The following RBM19 variants were observed in gnomAD, a reference collection of about 807,000 sequenced individuals.
RBM19 encodes the protein RNA binding motif protein 19.
RBM19 carries 94 observed loss-of-function variants against 116.8 expected under a neutral mutation model. The ratio of observed to expected loss-of-function variants is 0.80; its 90% CI spans 0.68 to 0.95. RBM19 has a LOEUF of 0.95. Among genes scored for constraint, RBM19 ranks in the 40% least tolerant of loss-of-function variants. The pLI is 0.00. For missense variants in RBM19, 1,161 were observed against 1,220.7 expected, an observed-to-expected ratio of 0.95 and a Z score of 0.73; for synonymous variants, 475 against 494.1, an observed-to-expected ratio of 0.96 and a Z score of 0.51.
intron 23 of RBM19, among the ~76,000 whole-genome samples, 158 bp downstream of exon 23, chr12:113,844,510 G>A (rs1250950531): frequency 2.7e-5 from 4 of 150,666 alleles, no homozygotes; most frequent in Admixed American, 6.6e-5. Flanking sequence ...TGGACAGCAG[G>A]TCTGGAGGGG....
intron 21 of RBM19, among the ~76,000 whole-genome samples, chr12:113,910,702 G>C (rs930751903): frequency 3.9e-5 from 6 of 152,212 alleles, no homozygotes; most frequent in Non-Finnish European, 8.8e-5. Flanking sequence ...CTGTGTGGAC[G>C]AACTGATACA....
intron 23 of RBM19, among the ~76,000 whole-genome samples, chr12:113,823,792 T>C (rs1393849694): frequency 2.6e-5 from 4 of 152,072 alleles, no homozygotes; most frequent in Non-Finnish European, 5.9e-5. Context: ...CTGAAACCCT[T>C]CAGAGAGGCT....
intron 21 of RBM19, among the ~76,000 whole-genome samples, chr12:113,863,105 C>T (rs1035636012): frequency 4.0e-5 from 6 of 151,832 alleles, no homozygotes; most frequent in Admixed American, 6.6e-5. Context: ...GATGGGGCTC[C>T]GAGGTGTTGC....
chr12:113,838,958 G>C (rs1239999181), intron 23 of RBM19, among the ~76,000 whole-genome samples: 2 of 152,226 alleles, frequency 1.3e-5, no homozygotes, highest in Non-Finnish European at 1.5e-5. Context: ...CACAGGCTAC[G>C]GTGTCACCGG....
At chr12:113,948,705 C>G (rs1294066739) in intron 10 of RBM19, 128 bp downstream of exon 10, 1 of 922,664 alleles carries the variant, frequency 1.1e-6, no homozygotes, top group African/African-American at 1.7e-5. Flanking sequence ...TCCCATTTTA[C>G]AGATGAGAAA....
intron 2 of RBM19, 120 bp downstream of exon 2, chr12:113,962,112 G>A (rs756700212): frequency 1.8e-4 from 217 of 1,239,248 alleles, no homozygotes; most frequent in Middle Eastern, 7.8e-4. Flanking sequence ...AATCGGTGAG[G>A]AAGAAAACCA....
intron 22 of RBM19, among the ~76,000 whole-genome samples, chr12:113,852,466 T>C (rs887173497): frequency 1.3e-5 from 2 of 152,138 alleles, no homozygotes; most frequent in Non-Finnish European, 2.9e-5. Flanking sequence ...TACAAAACAG[T>C]CATGAGCGCA....
chr12:113,856,459 C>T (rs1877911052), intron 22 of RBM19, among the ~76,000 whole-genome samples: 1 of 152,224 alleles, frequency 6.6e-6, no homozygotes, highest in African/African-American at 2.4e-5. Context: ...TGGTTGGACC[C>T]TCCATGTCCC....
intron 21 of RBM19, among the ~76,000 whole-genome samples, chr12:113,859,228 C>G (rs1878169135): frequency 6.6e-6 from 1 of 152,186 alleles, no homozygotes; most frequent in African/African-American, 2.4e-5. Flanking sequence ...CTGCCTAGTA[C>G]ACAAGCAGCC....
intron 20 of RBM19, 134 bp from the exon 21 acceptor site, chr12:113,915,219 G>A (rs1231470784): frequency 3.3e-5 from 25 of 750,620 alleles, no homozygotes; most frequent in Non-Finnish European, 4.9e-5. Context: ...CGGGACCAAC[G>A]TGAAAGGAGA....
intron 23 of RBM19, among the ~76,000 whole-genome samples, chr12:113,832,967 G>A (rs1208813099): frequency 2.0e-5 from 3 of 152,136 alleles, no homozygotes. Flanking sequence ...TGGAAGTGGG[G>A]AGGGGGGGTT....
At chr12:113,863,481 C>T (rs1247898888) in intron 21 of RBM19, among the ~76,000 whole-genome samples, 2 of 152,158 alleles carry the variant, frequency 1.3e-5, no homozygotes, top group Admixed American at 1.3e-4. Flanking sequence ...TGTGCTGGTA[C>T]CTGGAGCCTG....
At chr12:113,880,758 G>GC in intron 21 of RBM19, among the ~76,000 whole-genome samples, 1 of 152,024 alleles carries the variant, frequency 6.6e-6, no homozygotes, top group Non-Finnish European at 1.5e-5. Flanking sequence ...ACTCTCTGAT[G>GC]CCCCCTAATT....
At chr12:113,962,932 A>G (rs1872623635) in intron 1 of RBM19, among the ~76,000 whole-genome samples, 1 of 152,202 alleles carries the variant, frequency 6.6e-6, no homozygotes, top group African/African-American at 2.4e-5. Context: ...TTATGCAGCC[A>G]GGTCCAATGT....
intron 21 of RBM19, among the ~76,000 whole-genome samples, chr12:113,876,355 C>A (rs1879668009): frequency 6.6e-6 from 1 of 152,188 alleles, no homozygotes; most frequent in African/African-American, 2.4e-5. Flanking sequence ...TTATAAGCCT[C>A]TCTCCTCCAC....
chr12:113,882,545 G>A (rs1294185327), intron 21 of RBM19, among the ~76,000 whole-genome samples: 1 of 152,246 alleles, frequency 6.6e-6, no homozygotes, highest in Non-Finnish European at 1.5e-5. Flanking sequence ...TGAACGACTG[G>A]CACAGCCTGC....
At chr12:113,932,323 A>C (rs559869978) in intron 16 of RBM19, among the ~76,000 whole-genome samples, 3 of 152,358 alleles carry the variant, frequency 2.0e-5, no homozygotes, top group East Asian at 3.9e-4. Context: ...TGCAGCGAGC[A>C]CTGGGAGAGA....
chr12:113,823,186 C>T lies in RBM19; in HGVS notation c.*38G>A. On this transcript the variant is annotated 3_prime_UTR_variant, in exon 24 of 24. Coordinates refer to ENST00000261741, the MANE Select transcript of RBM19 (RefSeq NM_016196.4). ...AGAAGCTGGAGCGGCTGTCCCGGTC[C>T]CCAGGGCCCCGGAGCCACACACCCT... 6.3e-7 allele frequency: 1 copy of T among 1,587,392 alleles called. No homozygotes were observed. The highest frequency in any genetic ancestry group is 8.6e-7 in the Non-Finnish European group (1 of 1,167,460).
chr12:113,886,642 C>A (rs926836011), intron 21 of RBM19, among the ~76,000 whole-genome samples: 7 of 152,212 alleles, frequency 4.6e-5, no homozygotes, highest in Non-Finnish European at 8.8e-5. Context: ...TTGGACCTAA[C>A]AGGCACTTTT....
Sources: gnomAD v4.1 joint callset for allele counts (sites outside exome capture counted in the v4.1 genomes callset) on GRCh38, gnomAD v4.1.1 for gene constraint, MANE v1.5 for transcripts, NCBI Gene and HGNC (gene_info 2026-07-23, HGNC 2026-07-21) for gene names.